The following MTA2 variants were observed in gnomAD, a reference collection of about 807,000 sequenced individuals.
The protein encoded by MTA2 is metastasis associated 1 family member 2, also known as metastasis-associated protein MTA2.
A neutral mutation model predicts 87.1 loss-of-function variants in MTA2; 22 were observed. The ratio of observed to expected loss-of-function variants is 0.25; its 90% confidence interval spans 0.18 to 0.36. The LOEUF (loss-of-function observed/expected upper bound fraction) is 0.36, where lower values mean the gene tolerates loss of function less well. Ranked by LOEUF, MTA2 falls within the 10% of genes least tolerant of loss-of-function variation. The pLI is 1.00. For synonymous variants in MTA2, 314 were observed against 310.1 expected, an observed-to-expected ratio of 1.01 and a Z score of -0.13; for missense variants, 542 against 853.2, an observed-to-expected ratio of 0.64 and a Z score of 4.54.
rs1051981640 is a variant in MTA2, at chr11:62,598,314, A to G, written c.372+13T>C. ...CCATTCCCCTCGCTCTTCTCTCAAC[A>G]TCTCTTTCTCACCTCCTTTTCCAGG... On this transcript the variant is annotated intron_variant, in intron 5 of 17. Coordinates refer to ENST00000278823, the MANE Select transcript of MTA2 (RefSeq NM_004739.4). The G allele has an allele frequency of 7.4e-6, 12 of 1,613,160 alleles. No homozygotes were observed. The Admixed American group carries it at 1.0e-4, about 13-fold the overall frequency.
chr11:62,600,924 G>C (rs900841192), intron 1 of MTA2: 5 of 534,624 alleles, frequency 9.4e-6, no homozygotes, highest in South Asian at 4.5e-5. Flanking sequence ...TTAAGGAACA[G>C]GCAAGAAGCA....
At position 62,595,558 on chromosome 11, in the gene MTA2, T is replaced by C; in HGVS notation, c.1255-66A>G. The stretch of plus-strand genomic sequence containing the variant: ...CACTGAGGCTCCCTTCTTTCTTCCA[T>C]TCCCTGCAGGGGACAATTTATTCCT... On this transcript the variant is annotated intron_variant, in intron 13 of 17. Coordinates refer to ENST00000278823, the MANE Select transcript of MTA2 (RefSeq NM_004739.4). This position sits in a 1 kb window ranked among gnomAD's most constrained non-coding sequence, Gnocchi z 4.9. The C allele has an allele frequency of 1.3e-6, 2 of 1,575,170 alleles. No homozygotes were observed. Among genetic ancestry groups the C allele is most frequent in the South Asian group, 1.1e-5 (1 of 89,050 alleles).
Position 62,594,626 on chromosome 11 carries a change from C to T in MTA2, c.1582G>A (p.Ala528Thr), listed in dbSNP as rs1136140. The change falls in exon 16 of 18, where the codon GCA becomes ACA. Residue 528 changes from alanine to threonine, a missense_variant. By Grantham distance (58) the Ala-to-Thr change is moderately conservative (BLOSUM62 0). Coordinates refer to ENST00000278823, the MANE Select transcript of MTA2 (RefSeq NM_004739.4). ...CGAGGTGTTTTTGGTTTCAGGGGTG[C>T]CTGGGCCACTGGAAAAAAACAGAAA... is the stretch of plus-strand genomic sequence containing the variant. ...ATIVKDLVAQAPLKPKTPRGT... is the reference protein window; with the variant it reads ...ATIVKDLVAQTPLKPKTPRGT... 6.2e-7 allele frequency: 1 copy of T among 1,613,538 alleles called. No individual in the cohort carries two copies. The highest frequency in any genetic ancestry group is 8.5e-7 in the Non-Finnish European group (1 of 1,179,850).
chr11:62,601,276 T>C (rs1041322994), intron 1 of MTA2, 147 bp downstream of exon 1: 8 of 1,027,158 alleles, frequency 7.8e-6, no homozygotes, highest in Non-Finnish European at 1.0e-5. Context: ...GCACCCTCTC[T>C]CCTCGTCTCC....
chr11:62,599,684 G>T (rs900197775), intron 3 of MTA2, among the ~76,000 whole-genome samples: 2 of 151,186 alleles, frequency 1.3e-5, no homozygotes, highest in Non-Finnish European at 3.0e-5. Context: ...GGGGGCGGGC[G>T]GGGAAATGGG....
intron 1 of MTA2, 134 bp downstream of exon 1, chr11:62,601,289 G>A: frequency 1.8e-6 from 2 of 1,137,700 alleles, no homozygotes; most frequent in Admixed American, 4.3e-5. Flanking sequence ...TCGTCTCCCG[G>A]TTCCGGTTCC....
At chr11:62,598,729 T>A in intron 3 of MTA2, 90 bp from the exon 4 acceptor site, 1 of 1,208,756 alleles carries the variant, frequency 8.3e-7, no homozygotes, top group Non-Finnish European at 1.2e-6. Context: ...ATATTTCCTA[T>A]CTTGGCTGTT....
chr11:62,597,511 T>C (rs1377112485), intron 7 of MTA2, 96 bp from the exon 8 acceptor site: 39 of 1,503,438 alleles, frequency 2.6e-5, no homozygotes, highest in Non-Finnish European at 3.5e-5. Context: ...AAAACATCCA[T>C]GGCAATGAAA....
intron 3 of MTA2, 123 bp from the exon 4 acceptor site, chr11:62,598,762 T>A (rs1412222248): frequency 3.5e-6 from 3 of 846,782 alleles, no homozygotes; most frequent in Non-Finnish European, 5.7e-6. Flanking sequence ...TTCCCAGGCG[T>A]CTGCCTTCTA....
intron 6 of MTA2, 125 bp from the exon 7 acceptor site, chr11:62,597,837 C>T: frequency 9.8e-7 from 1 of 1,019,266 alleles, no homozygotes; most frequent in East Asian, 2.4e-5. Context: ...TCCGACTTCT[C>T]TTCCCAACTG....
At chr11:62,600,466 C>T in intron 2 of MTA2, 156 bp downstream of exon 2, 4 of 832,192 alleles carry the variant, frequency 4.8e-6, no homozygotes. Flanking sequence ...AGTAAAGTTC[C>T]TGCTAACCTC....
intron 10 of MTA2, 27 bp from the exon 11 acceptor site, chr11:62,596,364 G>A: frequency 1.2e-6 from 2 of 1,614,014 alleles, no homozygotes; most frequent in South Asian, 2.2e-5. Context: ...AGAAAGAGAA[G>A]GATCAGAGCC....
chr11:62,597,619 A>G lies in MTA2; in HGVS notation c.584T>C (p.Val195Ala). 6.2e-7 allele frequency: 1 copy of G among 1,614,058 alleles called. No individual in the cohort carries two copies. The highest frequency in any genetic ancestry group is 2.2e-5 in the East Asian group (1 of 44,880). ...LTDRQIDQFL[V>A]VARAVGTFAR... is the part of the protein sequence containing the mutation. Reference sequence around the variant, plus strand: ...TCCACCCACCCCTCACCGGGCCACCACAAGAAACTGGTCGATCTGCCGGTC... The same window carrying G: ...TCCACCCACCCCTCACCGGGCCACCGCAAGAAACTGGTCGATCTGCCGGTC... Residue 195 changes from valine (V) to alanine (A), a missense_variant, in exon 7 of 18, where the codon GTG becomes GCG. Val to Ala is a moderately conservative substitution (Grantham distance 64). Coordinates refer to ENST00000278823, the MANE Select transcript of MTA2 (RefSeq NM_004739.4).
chr11:62,596,579 G>A (rs767000790), intron 9 of MTA2, 47 bp from the exon 10 acceptor site: 3 of 1,612,688 alleles, frequency 1.9e-6, no homozygotes, highest in African/African-American at 1.3e-5. Context: ...CTGGCCCCAG[G>A]TCCTGGTTCC....
rs1355119561 is a variant in MTA2, at chr11:62,596,540, G to A, written c.883-8C>T. 1.2e-6 allele frequency: 2 copies of A among 1,614,074 alleles called. No homozygotes were observed. Among genetic ancestry groups the A allele is most frequent in the South Asian group, 1.1e-5 (1 of 91,070 alleles). ...AAGTGACTTCCAGGGTAGCTAAGGG[G>A]GGCAGAGGGAGGAAGAATGAGCTGG... On this transcript the variant is annotated splice_region_variant and splice_polypyrimidine_tract_variant and intron_variant, in intron 9 of 17. Transcript: ENST00000278823.
In MTA2 at chr11:62,596,412, G is replaced by A. The variant is rs150356814; in HGVS notation, c.957+46C>T. The A allele has an allele frequency of 8.7e-5, 140 of 1,612,520 alleles. No homozygotes were observed. In the African/African-American group the frequency reaches 1.4e-3, roughly 17 times the overall value. ...GAATGTCATCAACTTCAAAGGCAGA[G>A]GTCAGCAGGTAGCCTATGGTCCACC... On this transcript the variant is annotated intron_variant, in intron 10 of 17. Transcript: ENST00000278823.
Position 62,600,276 on chromosome 11 carries a change from A to G in MTA2, c.97-17T>C. The G allele has an allele frequency of 6.2e-7, 1 of 1,606,142 alleles. No individual in the cohort carries two copies. The highest frequency in any genetic ancestry group is 1.3e-5 in the African/African-American group (1 of 74,882). ...ATTTGCAGTCTAAGGGGAGGAAAAA[A>G]ACAAAAACAAAACAACGTAGCAGTG... On this transcript the variant is annotated splice_polypyrimidine_tract_variant and intron_variant, in intron 2 of 17. Coordinates refer to ENST00000278823, the MANE Select transcript of MTA2 (RefSeq NM_004739.4).
At chr11:62,596,912 G>T in intron 8 of MTA2, 87 bp from the exon 9 acceptor site, 1 of 1,374,968 alleles carries the variant, frequency 7.3e-7, no homozygotes, top group Non-Finnish European at 9.9e-7. Flanking sequence ...ACTCCCGGCC[G>T]GGCGCGGTGG....
chr11:62,596,131 G>C, intron 11 of MTA2, 24 bp from the exon 12 acceptor site: 1 of 1,612,022 alleles, frequency 6.2e-7, no homozygotes, highest in Non-Finnish European at 8.5e-7. Context: ...CGAGGAGAAG[G>C]GAAAAAAACA....
Sources: allele counts gnomAD v4.1 joint callset (sites outside exome capture counted in the v4.1 genomes callset), GRCh38; gene constraint gnomAD v4.1.1; non-coding constraint Gnocchi (gnomAD v3.1); transcripts MANE v1.5; gene names NCBI Gene and HGNC (gene_info 2026-07-23, HGNC 2026-07-21).